Variants in LINGO2 observed in about 807,000 individuals in gnomAD.
LINGO2 encodes the protein leucine-rich repeat and immunoglobulin-like domain-containing nogo receptor-interacting protein 2.
Under a neutral mutation model 30.6 loss-of-function variants are expected in LINGO2, and 14 were observed. The ratio of observed to expected loss-of-function variants is 0.46; its 90% CI spans 0.30 to 0.72. The LOEUF is 0.72. LINGO2 is among the 30% of genes least tolerant of loss of function. The probability of loss-of-function intolerance (pLI) is 0.07; values close to 1 mark genes in which losing one functional copy is unlikely to be tolerated. For synonymous variants in LINGO2, 317 were observed against 288.5 expected (o/e 1.10, Z -1.00); for missense variants, 729 against 751.7 (o/e 0.97, Z 0.35).
chr9:28,529,597 T>C (rs56943589), intron 1 of LINGO2, among the ~76,000 whole-genome samples: 8,638 of 151,324 alleles, frequency 0.057, 559 homozygotes, highest in African/African-American at 0.15. Flanking sequence ...CAGTTGCAAA[T>C]TGCAAATACT....
Position 28,148,539 on chromosome 9 carries a change from C to T in LINGO2, c.-86-136134G>A, listed in dbSNP as rs1385684816. 2.0e-6 allele frequency: 3 copies of T among 1,483,552 alleles called. No homozygotes were observed. The highest frequency in any genetic ancestry group is 4.9e-5 in the East Asian group (2 of 40,658). The allele number at this position is 1,483,552 out of a possible 1,614,324, so 91.9% of individuals were successfully genotyped here. ...GGCCCCTGTAGCAATGGGGAAGCAG[C>T]TTCCACCTCTAGGCCCCTGGAGACT... is the stretch of plus-strand genomic sequence containing the variant. On this transcript the variant is annotated intron_variant, in intron 4 of 5. Transcript: ENST00000379992. This position sits in a 1 kb window ranked among gnomAD's most constrained non-coding sequence, Gnocchi z 5.1.
the LINGO2 span, among the ~76,000 whole-genome samples, chr9:29,189,984 C>T: frequency 1.4e-5 from 2 of 139,110 alleles, no homozygotes; most frequent in South Asian, 2.4e-4. Flanking sequence ...TTTGGCTGGG[C>T]ATCAGAGGGA....
At chr9:28,487,962 G>A (rs1826238597) in intron 1 of LINGO2, among the ~76,000 whole-genome samples, 1 of 152,092 alleles carries the variant, frequency 6.6e-6, no homozygotes, top group Non-Finnish European at 1.5e-5. Flanking sequence ...AAAACAATTA[G>A]CTATTTAGCC....
the LINGO2 span, among the ~76,000 whole-genome samples, chr9:29,023,965 C>G: frequency 6.6e-6 from 1 of 151,986 alleles, no homozygotes; most frequent in Non-Finnish European, 1.5e-5. Flanking sequence ...TTCATGTGTT[C>G]AGAGAAATAC....
the LINGO2 span, among the ~76,000 whole-genome samples, chr9:29,055,202 G>C: frequency 9.3e-6 from 1 of 107,670 alleles, no homozygotes; most frequent in Non-Finnish European, 1.9e-5. Flanking sequence ...CTGGGCAACA[G>C]AGCGAGACTC....
intron 2 of LINGO2, among the ~76,000 whole-genome samples, chr9:28,428,347 G>T (rs918592339): frequency 6.6e-6 from 1 of 152,140 alleles, no homozygotes; most frequent in Admixed American, 6.6e-5. Context: ...AGCAAAGGAG[G>T]AAAGGGGATC....
At chr9:29,168,082 T>C in the LINGO2 span, among the ~76,000 whole-genome samples, 2 of 152,166 alleles carry the variant, frequency 1.3e-5, no homozygotes, top group African/African-American at 4.8e-5. Flanking sequence ...AGACAATCTA[T>C]AGCAAATGAA....
At chr9:28,772,916 C>G in the LINGO2 span, among the ~76,000 whole-genome samples, 18,709 of 152,132 alleles carry the variant, frequency 0.12, 1,293 homozygotes, top group African/African-American at 0.18. Flanking sequence ...CAGCACATCA[C>G]TGAAATGGAG....
At chr9:27,994,802 G>C (rs982446093) in intron 5 of LINGO2, among the ~76,000 whole-genome samples, 1 of 152,124 alleles carries the variant, frequency 6.6e-6, no homozygotes, top group African/African-American at 2.4e-5. Context: ...GGGACTTAAG[G>C]CAGGGCTGAC....
In LINGO2 at chr9:28,408,399, G is replaced by C. The variant is rs1822599078; in HGVS notation, c.-278-35531C>G. 3.3e-5 allele frequency among the ~76,000 whole-genome samples: 5 copies of C among 152,208 alleles called. No individual in the cohort carries two copies. The South Asian group carries it at 1.0e-3, about 32-fold the overall frequency. ...ACTGGTAGATTTGGAAAAGCCTCCA[G>C]AGGATTATGCTTTTATTTCTACATC... On this transcript the variant is annotated intron_variant, in intron 2 of 5. Coordinates refer to ENST00000379992, the Ensembl canonical transcript of LINGO2.
At chr9:28,149,936 T>G (rs1227992816) in intron 4 of LINGO2, among the ~76,000 whole-genome samples, 1 of 132,252 alleles carries the variant, frequency 7.6e-6, no homozygotes, top group Non-Finnish European at 1.6e-5. Context: ...AAGTGAGGAG[T>G]GCCTCTGCCT....
the LINGO2 span, among the ~76,000 whole-genome samples, chr9:29,058,129 T>C: frequency 2.4e-4 from 36 of 151,900 alleles, no homozygotes; most frequent in Admixed American, 2.4e-3. Flanking sequence ...AGTCAATAGA[T>C]TAAGAAAAGA....
intron 1 of LINGO2, among the ~76,000 whole-genome samples, chr9:28,513,025 C>G (rs1430002677): frequency 6.6e-6 from 1 of 151,642 alleles, no homozygotes; most frequent in Non-Finnish European, 1.5e-5. Context: ...CAGACACACC[C>G]AAGATCAATA....
At chr9:28,930,377 G>C in the LINGO2 span, among the ~76,000 whole-genome samples, 4 of 152,130 alleles carry the variant, frequency 2.6e-5, no homozygotes, top group African/African-American at 9.7e-5. The surrounding 1 kb of genome is among the most constrained non-coding windows in gnomAD (Gnocchi z 4.2). Flanking sequence ...CTAGCAAAAT[G>C]CTTGGCATCC....
the LINGO2 span, among the ~76,000 whole-genome samples, chr9:28,931,682 T>C: frequency 1.3e-5 from 2 of 152,160 alleles, no homozygotes; most frequent in African/African-American, 4.8e-5. Context: ...AGAGCTTAGG[T>C]TGAGGAAACA....
the LINGO2 span, among the ~76,000 whole-genome samples, chr9:29,078,930 T>G: frequency 6.6e-6 from 1 of 151,902 alleles, no homozygotes; most frequent in South Asian, 2.1e-4. Context: ...GCTGCATAAG[T>G]GCTTTAGAGT....
intron 4 of LINGO2, among the ~76,000 whole-genome samples, chr9:28,231,387 A>G (rs1821350020): frequency 6.6e-6 from 1 of 152,008 alleles, no homozygotes; most frequent in African/African-American, 2.4e-5. Context: ...TATTTTTTGG[A>G]GCAGTGTGGG....
the LINGO2 span, among the ~76,000 whole-genome samples, chr9:28,994,237 G>A: frequency 6.6e-6 from 1 of 152,226 alleles, no homozygotes; most frequent in Non-Finnish European, 1.5e-5. Context: ...GACAAACATA[G>A]AGCCAAATCA....
chr9:28,307,200 A>G (rs1387228486), intron 3 of LINGO2, among the ~76,000 whole-genome samples: 3 of 152,230 alleles, frequency 2.0e-5, no homozygotes, highest in Non-Finnish European at 4.4e-5. Context: ...GGGAAACCGA[A>G]TCCAGCAACA....
Sources: allele counts gnomAD v4.1 joint callset (sites outside exome capture counted in the v4.1 genomes callset), GRCh38; gene constraint gnomAD v4.1.1; non-coding constraint Gnocchi (gnomAD v3.1); transcripts MANE v1.5; gene names NCBI Gene and HGNC (gene_info 2026-07-23, HGNC 2026-07-21).